The following NOL4 variants were observed in gnomAD, a reference collection of about 807,000 sequenced individuals.
NOL4 encodes the protein nucleolar protein 4, also known as cancer/testis antigen 125.
Under a neutral mutation model 75.9 loss-of-function variants are expected in NOL4, and 17 were observed. The observed-to-expected ratio is 0.22, with a 90% CI of 0.15 to 0.34. The LOEUF (loss-of-function observed/expected upper bound fraction) is 0.34. Ranked by LOEUF, NOL4 falls within the 10% of genes least tolerant of loss-of-function variation. The pLI is 1.00. For missense variants in NOL4, 614 were observed against 793.5 expected, an observed-to-expected ratio of 0.77 and a Z score of 2.72; for synonymous variants, 292 against 289.9, an observed-to-expected ratio of 1.01 and a Z score of -0.07.
chr18:34,041,385 C>T (rs887400206), intron 5 of NOL4, among the ~76,000 whole-genome samples: 1 of 151,834 alleles, frequency 6.6e-6, no homozygotes, highest in Non-Finnish European at 1.5e-5. Flanking sequence ...GAATGGCAAA[C>T]AGAGGAAAGA....
At chr18:34,142,462 A>G (rs920399093) in intron 1 of NOL4, among the ~76,000 whole-genome samples, 1 of 152,242 alleles carries the variant, frequency 6.6e-6, no homozygotes, top group African/African-American at 2.4e-5. Context: ...CTGGATTAAG[A>G]AAATGTGGCA....
chr18:34,105,612 T>C (rs1191058451), intron 2 of NOL4, among the ~76,000 whole-genome samples: 3 of 152,020 alleles, frequency 2.0e-5, no homozygotes, highest in Non-Finnish European at 4.4e-5. Flanking sequence ...CATTTCTTCA[T>C]TGTTGCTTTT....
intron 10 of NOL4, among the ~76,000 whole-genome samples, chr18:33,863,418 A>G (rs1156393909): frequency 2.0e-5 from 3 of 152,140 alleles, no homozygotes; most frequent in African/African-American, 7.2e-5. Flanking sequence ...CTTAAAGTAT[A>G]ATAATAATAA....
chr18:34,123,628 TATAG>T (rs1357774213), intron 2 of NOL4, among the ~76,000 whole-genome samples: 1 of 147,726 alleles, frequency 6.8e-6, no homozygotes, highest in African/African-American at 2.5e-5. Flanking sequence ...TTTATATCTA[TATAG>T]ATACAGAGAG....
Position 34,223,885 on chromosome 18 carries a change from A to T in NOL4, c.-632T>A, listed in dbSNP as rs2037476965. On this transcript the variant is annotated 5_prime_UTR_variant, in exon 1 of 11. Transcript: ENST00000261592. ...CCTTCCCCACGACGGGTGTTAAGGGACTAGAAAGAGAAAGTTCTTACCTGT... is the reference window on the plus strand; with the variant it reads ...CCTTCCCCACGACGGGTGTTAAGGGTCTAGAAAGAGAAAGTTCTTACCTGT... The T allele has an allele frequency of 6.6e-6, 1 of 152,326 alleles. No individual in the cohort carries two copies. 9.4% of individuals were successfully genotyped at this position (152,326 alleles called of 1,614,324 possible).
chr18:33,988,233 G>A (rs2072619538), intron 6 of NOL4, among the ~76,000 whole-genome samples: 1 of 152,062 alleles, frequency 6.6e-6, no homozygotes, highest in Admixed American at 6.6e-5. Flanking sequence ...AGCCAGAGAA[G>A]TAAAATGCCT....
chr18:34,012,753 CA>C (rs1254546885), intron 6 of NOL4, among the ~76,000 whole-genome samples: 1 of 151,960 alleles, frequency 6.6e-6, no homozygotes, highest in African/African-American at 2.4e-5. Context: ...ACTAAAACAT[CA>C]AAAGCAAAAC....
In NOL4 at chr18:33,922,066, A is replaced by G. The variant is rs181292998; in HGVS notation, c.1542+20999T>C. On this transcript the variant is annotated intron_variant, in intron 9 of 10. Transcript: ENST00000261592. The stretch of plus-strand genomic sequence containing the variant: ...GAGCTGCTGCAGCTATGTTGCTACT[A>G]TGAGAGGATAACCTGTCTGAGAATA... Among the ~76,000 whole-genome samples the G allele has an allele frequency of 3.3e-5, 5 of 152,314 alleles. No individual in the cohort carries two copies. The East Asian group carries it at 9.7e-4, about 29-fold the overall frequency.
At chr18:34,035,672 C>CA (rs1278161785) in intron 5 of NOL4, among the ~76,000 whole-genome samples, 1 of 150,608 alleles carries the variant, frequency 6.6e-6, no homozygotes, top group African/African-American at 2.4e-5. Context: ...ACTAACAATA[C>CA]AAAAAACAAT....
chr18:34,145,195 A>T (rs1460068034), intron 1 of NOL4, among the ~76,000 whole-genome samples: 3 of 152,248 alleles, frequency 2.0e-5, no homozygotes, highest in African/African-American at 7.2e-5. Flanking sequence ...ACATATACTG[A>T]AAGGTTTTTA....
At chr18:34,048,433 A>G in intron 5 of NOL4, 3 of 985,046 alleles carry the variant, frequency 3.0e-6, no homozygotes, top group Non-Finnish European at 3.6e-6. Context: ...AGGAGCTGAC[A>G]CTTACTGTGA....
intron 1 of NOL4, among the ~76,000 whole-genome samples, chr18:34,173,598 G>A: frequency 6.6e-6 from 1 of 152,144 alleles, no homozygotes; most frequent in South Asian, 2.1e-4. Flanking sequence ...AAATAAATAA[G>A]TAAGGAAAAA....
At chr18:34,163,993 G>A (rs2031942230) in intron 1 of NOL4, among the ~76,000 whole-genome samples, 1 of 152,114 alleles carries the variant, frequency 6.6e-6, no homozygotes. Flanking sequence ...AATGGGGAAA[G>A]GATTCCCTAT....
At position 33,984,007 on chromosome 18, in the gene NOL4, A is replaced by G. The variant is rs1318523387; in HGVS notation, c.1057-25589T>C. Among the ~76,000 whole-genome samples, 2 of 152,180 alleles carry G rather than the reference A, an allele frequency of 1.3e-5. 1 individual carries two copies. The stretch of plus-strand genomic sequence containing the variant: ...TTGCACATAATTTGAGACAGACTAA[A>G]GAAATCATTTGGGTTTCAACCAAGA... On this transcript the variant is annotated intron_variant, in intron 6 of 10. Transcript: ENST00000261592.
At chr18:34,210,962 C>T (rs778186746) in intron 1 of NOL4, among the ~76,000 whole-genome samples, 7 of 151,984 alleles carry the variant, frequency 4.6e-5, no homozygotes, top group African/African-American at 7.3e-5. Flanking sequence ...GAAAAGCATG[C>T]CCCCTCTGCT....
chr18:33,949,831 G>T (rs913005016), intron 8 of NOL4, among the ~76,000 whole-genome samples: 3 of 151,806 alleles, frequency 2.0e-5, no homozygotes, highest in African/African-American at 7.3e-5. Flanking sequence ...GACTACATGG[G>T]GAATTAATAA....
intron 9 of NOL4, among the ~76,000 whole-genome samples, chr18:33,919,930 AAACATTTTACCTTTTTAACAATAAC>A (rs2066932003): frequency 1.3e-5 from 2 of 152,302 alleles, no homozygotes; most frequent in East Asian, 3.9e-4. Flanking sequence ...TGTATGTGTG[AAACATTTTACCTTTTTAACAATAAC>A]AACATAATAG....
At chr18:34,069,185 A>C (rs1280266411) in intron 5 of NOL4, among the ~76,000 whole-genome samples, 1 of 152,210 alleles carries the variant, frequency 6.6e-6, no homozygotes, top group African/African-American at 2.4e-5. Context: ...TTTAGTTGGA[A>C]AATTAGAAAC....
At chr18:34,117,602 G>C (rs563399337) in intron 2 of NOL4, among the ~76,000 whole-genome samples, 6 of 152,190 alleles carry the variant, frequency 3.9e-5, no homozygotes, top group Admixed American at 2.0e-4. Flanking sequence ...TAACAACACA[G>C]AGCTCCGCCT....
Sources: gnomAD v4.1 joint callset for allele counts (sites outside exome capture counted in the v4.1 genomes callset) on GRCh38, gnomAD v4.1.1 for gene constraint, MANE v1.5 for transcripts, NCBI Gene and HGNC (gene_info 2026-07-23, HGNC 2026-07-21) for gene names.